Variants in CAMSAP1 observed in about 807,000 individuals in gnomAD.
CAMSAP1 encodes calmodulin regulated spectrin associated protein 1.
In CAMSAP1, 58 loss-of-function variants were observed where a neutral mutation model predicts 143.5. The ratio of observed to expected loss-of-function variants is 0.40; its 90% CI spans 0.33 to 0.50. The LOEUF is 0.50. Ranked by LOEUF, CAMSAP1 falls within the 20% of genes least tolerant of loss-of-function variation. CAMSAP1 has a pLI of 0.45. For missense variants in CAMSAP1, 1,969 were observed against 2,115.7 expected, an observed-to-expected ratio of 0.93 and a Z score of 1.36; for synonymous variants, 945 against 859.3, an observed-to-expected ratio of 1.10 and a Z score of -1.74.
chr9:135,900,422 G>A (rs920597841), intron 1 of CAMSAP1, among the ~76,000 whole-genome samples: 5 of 152,094 alleles, frequency 3.3e-5, no homozygotes, highest in Admixed American at 1.3e-4. Context: ...GGCCGGGCAC[G>A]GTGGCTCACG....
chr9:135,836,227 C>G, intron 7 of CAMSAP1: 1 of 985,264 alleles, frequency 1.0e-6, no homozygotes, highest in South Asian at 4.7e-5. Flanking sequence ...GTACCTTCTA[C>G]CCTGTTCTAC....
chr9:135,851,321 C>T (rs902542329), intron 5 of CAMSAP1, among the ~76,000 whole-genome samples: 14 of 152,266 alleles, frequency 9.2e-5, no homozygotes, highest in Admixed American at 4.6e-4. Context: ...TTTAGAAGTA[C>T]GTACAAACTG....
intron 14 of CAMSAP1, 32 bp downstream of exon 14, chr9:135,817,945 C>G (rs1274293846): frequency 6.9e-6 from 11 of 1,597,334 alleles, no homozygotes; most frequent in Non-Finnish European, 9.4e-6. Flanking sequence ...CGTCCTCCAG[C>G]CCCGTGCCGG....
intron 1 of CAMSAP1, among the ~76,000 whole-genome samples, chr9:135,885,128 C>A (rs560041284): frequency 6.6e-6 from 1 of 152,298 alleles, no homozygotes; most frequent in East Asian, 1.9e-4. Context: ...CATCTCGCTG[C>A]CTGCTCCATC....
chr9:135,861,451 T>C (rs1297733234), intron 5 of CAMSAP1, among the ~76,000 whole-genome samples: 1 of 152,036 alleles, frequency 6.6e-6, no homozygotes, highest in East Asian at 1.9e-4. Flanking sequence ...TAGCTGGGAC[T>C]ACAGGCACGC....
rs10715807 is a variant in CAMSAP1, at chr9:135,820,546, CAAAA to C, written c.3822+289_3822+292del. 6.9e-6 allele frequency among the ~76,000 whole-genome samples: 1 copy of C among 145,758 alleles called. No homozygotes were observed. Among genetic ancestry groups the C allele is most frequent in the Non-Finnish European group, 1.5e-5 (1 of 66,078 alleles). On this transcript the variant is annotated intron_variant, in intron 11 of 16. Transcript: ENST00000389532. This position sits in a 1 kb window ranked among gnomAD's most constrained non-coding sequence, Gnocchi z 4.4. Reference sequence around the variant, plus strand: ...GACAGGGTTTTGACTGGAAAACCAGCAAAAAAAAAAAAACTATGTTGAAAATCAC... The same window carrying C: ...GACAGGGTTTTGACTGGAAAACCAGCAAAAAAAAACTATGTTGAAAATCAC...
chr9:135,879,514 T>G (rs748800667), intron 3 of CAMSAP1, among the ~76,000 whole-genome samples: 1 of 152,160 alleles, frequency 6.6e-6, no homozygotes, highest in African/African-American at 2.4e-5. Context: ...TAAGTTTTTC[T>G]ATGTCTTTAC....
chr9:135,874,051 A>G (rs1466409961), intron 3 of CAMSAP1, among the ~76,000 whole-genome samples: 1 of 152,198 alleles, frequency 6.6e-6, no homozygotes, highest in Non-Finnish European at 1.5e-5. Context: ...TGGGGATGAA[A>G]GGGCTGGTTC....
intron 3 of CAMSAP1, among the ~76,000 whole-genome samples, chr9:135,868,763 C>T (rs748265600): frequency 9.9e-5 from 15 of 151,714 alleles, no homozygotes; most frequent in Non-Finnish European, 1.6e-4. Context: ...ACTACAGGCG[C>T]CCACCACCAC....
intron 1 of CAMSAP1, among the ~76,000 whole-genome samples, chr9:135,897,555 A>G (rs1838493037): frequency 6.6e-6 from 1 of 152,222 alleles, no homozygotes; most frequent in Non-Finnish European, 1.5e-5. Flanking sequence ...CATTAGGCAT[A>G]GTAGTGACCT....
chr9:135,817,909 AG>A (rs1835289285), intron 14 of CAMSAP1, 67 bp downstream of exon 14: 2 of 1,243,388 alleles, frequency 1.6e-6, no homozygotes, highest in South Asian at 2.5e-5. Context: ...GTGTTTAATC[AG>A]GAAGTCCCAC....
At chr9:135,846,384 G>C (rs1027905354) in intron 7 of CAMSAP1, among the ~76,000 whole-genome samples, 1 of 152,112 alleles carries the variant, frequency 6.6e-6, no homozygotes, top group African/African-American at 2.4e-5. Flanking sequence ...ACTCAAGACA[G>C]ATTAAAGACT....
chr9:135,880,864 A>G (rs931172383), intron 3 of CAMSAP1, among the ~76,000 whole-genome samples: 1 of 152,204 alleles, frequency 6.6e-6, no homozygotes, highest in Non-Finnish European at 1.5e-5. Context: ...ATCATTAGAC[A>G]CTACTAAAAG....
Position 135,881,620 on chromosome 9 carries a change from G to C in CAMSAP1, c.585+13C>G, listed in dbSNP as rs1297374469. ...AAGCAGAGTCACACACCACATCTAGGCAGGGCACTCACCTTGTTGATCCAG... is the reference window on the plus strand; with the variant it reads ...AAGCAGAGTCACACACCACATCTAGCCAGGGCACTCACCTTGTTGATCCAG... On this transcript the variant is annotated intron_variant, in intron 3 of 16. Transcript: ENST00000389532. The C allele has an allele frequency of 6.4e-7, 1 of 1,551,506 alleles. No homozygotes were observed. Among genetic ancestry groups the C allele is most frequent in the African/African-American group, 1.4e-5 (1 of 73,004 alleles).
chr9:135,830,586 A>G (rs149796164), intron 7 of CAMSAP1, among the ~76,000 whole-genome samples: 227 of 152,384 alleles, frequency 1.5e-3, no homozygotes, highest in African/African-American at 5.4e-3. Context: ...GTAATAGCAG[A>G]AGGCTTCAAT....
chr9:135,849,842 A>C (rs1836709305), intron 7 of CAMSAP1: 1 of 245,198 alleles, frequency 4.1e-6, no homozygotes. Context: ...AGATTATTTT[A>C]ATCTGTAGTA....
At position 135,892,848 on chromosome 9, in the gene CAMSAP1, C is replaced by CAAAAAAAAAAAAAA. The variant is rs59978082; in HGVS notation, c.161-9784_161-9771dup. Among the ~76,000 whole-genome samples, 172 of 42,038 alleles carry CAAAAAAAAAAAAAA rather than the reference C, an allele frequency of 4.1e-3. 23 individuals are homozygous for CAAAAAAAAAAAAAA. Among genetic ancestry groups the CAAAAAAAAAAAAAA allele is most frequent in the African/African-American group, 0.016 (138 of 8,704 alleles). 27.6% of individuals were successfully genotyped at this position (42,038 alleles called of 152,430 possible). Reference sequence around the variant, plus strand: ...CCTGGGCAACAGAGCAAGACTGTCTCAAAAAAAAAAAAAAAAAAAGAACTA... The same window carrying CAAAAAAAAAAAAAA: ...CCTGGGCAACAGAGCAAGACTGTCTCAAAAAAAAAAAAAAAAAAAAAAAAAAAAAAAAAGAACTA... On this transcript the variant is annotated intron_variant, in intron 1 of 16. Transcript: ENST00000389532.
chr9:135,865,348 T>A (rs1423327412), intron 4 of CAMSAP1: 69 of 1,550,580 alleles, frequency 4.4e-5, no homozygotes, highest in Non-Finnish European at 5.8e-5. Flanking sequence ...TAACTTCCAA[T>A]ACCACTTGGA....
chr9:135,893,279 AAAAG>A (rs1011426945), intron 1 of CAMSAP1, among the ~76,000 whole-genome samples: 4 of 150,782 alleles, frequency 2.7e-5, no homozygotes, highest in Admixed American at 6.6e-5. Context: ...AGAAAAGAAA[AAAAG>A]AAAAAAGGCA....
Sources: gnomAD v4.1 joint callset for allele counts (sites outside exome capture counted in the v4.1 genomes callset) on GRCh38, gnomAD v4.1.1 for gene constraint, Gnocchi (gnomAD v3.1) non-coding constraint, MANE v1.5 for transcripts, NCBI Gene and HGNC (gene_info 2026-07-23, HGNC 2026-07-21) for gene names.